FSD1L: variants seen among roughly 807,000 people sequenced by gnomAD.
The protein encoded by FSD1L is fibronectin type III and SPRY domain containing 1 like, also known as FSD1-like protein.
In FSD1L, 45 loss-of-function variants were observed where a neutral mutation model predicts 71.6. The observed-to-expected ratio is 0.63, with a 90% CI of 0.49 to 0.81. The LOEUF (loss-of-function observed/expected upper bound fraction) is 0.81, where lower values mean the gene tolerates loss of function less well. Among genes scored for constraint, FSD1L ranks in the 30% least tolerant of loss-of-function variants. The probability of loss-of-function intolerance (pLI) is 0.00; values close to 1 mark genes in which losing one functional copy is unlikely to be tolerated. For synonymous variants in FSD1L, 197 were observed against 207.2 expected (o/e 0.95, Z 0.42); for missense variants, 561 against 618.1 (o/e 0.91, Z 0.98).
chr9:105,445,987 A>G (rs893558446), upstream of FSD1L, among the ~76,000 whole-genome samples: 2 of 152,092 alleles, frequency 1.3e-5, no homozygotes, highest in Non-Finnish European at 2.9e-5. Context: ...TCCCTTTTGT[A>G]ACTTTCATTT....
At chr9:105,468,774 C>T (rs1401145500) in intron 4 of FSD1L, among the ~76,000 whole-genome samples, 2 of 152,112 alleles carry the variant, frequency 1.3e-5, no homozygotes, top group East Asian at 1.9e-4. Flanking sequence ...GGATTACAGG[C>T]GTAAGGCACC....
intron 1 of FSD1L, among the ~76,000 whole-genome samples, chr9:105,450,382 A>T (rs1016814486): frequency 6.6e-6 from 1 of 152,228 alleles, no homozygotes; most frequent in Non-Finnish European, 1.5e-5. Flanking sequence ...GCTTTACATT[A>T]GTAAGAGGAT....
intron 3 of FSD1L, among the ~76,000 whole-genome samples, chr9:105,466,859 C>G (rs1243717764): frequency 2.0e-5 from 3 of 152,006 alleles, no homozygotes; most frequent in Admixed American, 6.6e-5. Flanking sequence ...TTATGTAGAG[C>G]TAGCTCAAAC....
intron 12 of FSD1L, among the ~76,000 whole-genome samples, chr9:105,537,017 CTTAATAGAT>C (rs1836313091): frequency 6.6e-6 from 1 of 152,026 alleles, no homozygotes; most frequent in Non-Finnish European, 1.5e-5. Flanking sequence ...TTAGTTTCAT[CTTAATAGAT>C]TTGGCCCAAA....
intron 10 of FSD1L, among the ~76,000 whole-genome samples, chr9:105,529,293 T>C (rs1451537193): frequency 6.6e-6 from 1 of 152,246 alleles, no homozygotes; most frequent in Non-Finnish European, 1.5e-5. Flanking sequence ...AAAGGATTTA[T>C]AAATCCTTCT....
At chr9:105,546,269 G>A in intron 13 of FSD1L, 89 bp from the exon 14 acceptor site, 1 of 1,181,998 alleles carries the variant, frequency 8.5e-7, no homozygotes, top group Non-Finnish European at 1.2e-6. Flanking sequence ...GTTCATATGT[G>A]TGGCATTTTG....
intron 7 of FSD1L, among the ~76,000 whole-genome samples, chr9:105,498,919 AGAAG>A (rs1833598863): frequency 6.6e-6 from 1 of 152,178 alleles, no homozygotes; most frequent in African/African-American, 2.4e-5. Context: ...CGCCCATGCT[AGAAG>A]TGGGTTGTTT....
At chr9:105,545,682 C>T (rs1222260088) in intron 13 of FSD1L, among the ~76,000 whole-genome samples, 1 of 152,052 alleles carries the variant, frequency 6.6e-6, no homozygotes, top group African/African-American at 2.4e-5. Context: ...TTGAGATAAT[C>T]ATGTGGTTTT....
chr9:105,535,850 CAT>C (rs1236046918), intron 12 of FSD1L, among the ~76,000 whole-genome samples: 1 of 152,112 alleles, frequency 6.6e-6, no homozygotes, highest in Admixed American at 6.6e-5. Flanking sequence ...TCCTAGTAAA[CAT>C]AAGCTATACA....
intron 6 of FSD1L, 85 bp downstream of exon 6, chr9:105,479,461 GT>G: frequency 8.1e-7 from 1 of 1,232,262 alleles, no homozygotes; most frequent in Non-Finnish European, 1.1e-6. Context: ...TTAAAATTGT[GT>G]TAGTTAAGAT....
At chr9:105,461,956 CA>C (rs112746151) in intron 2 of FSD1L, among the ~76,000 whole-genome samples, 18,859 of 118,442 alleles carry the variant, frequency 0.16, 1,286 homozygotes, top group Admixed American at 0.27. Context: ...GACAGAGCCT[CA>C]AAAAAAAAAA....
In FSD1L at chr9:105,548,435, A is replaced by G. The variant is rs1837128277; in HGVS notation, c.*1952A>G. The G allele has an allele frequency of 6.6e-6, 1 of 152,556 alleles. No homozygotes were observed. Among genetic ancestry groups the G allele is most frequent in the Non-Finnish European group, 1.5e-5 (1 of 67,992 alleles). The allele number at this position is 152,556 out of a possible 1,614,324, so 9.5% of individuals were successfully genotyped here. ...AAAATTTTTTACTAGTGTGTCTTATATAATTCTTTCTTCTCATTAATTCAG... is the reference window on the plus strand; with the variant it reads ...AAAATTTTTTACTAGTGTGTCTTATGTAATTCTTTCTTCTCATTAATTCAG... On this transcript the variant is annotated 3_prime_UTR_variant, in exon 14 of 14. Transcript: ENST00000481272.
Position 105,534,988 on chromosome 9 carries a change from T to C in FSD1L, c.1127-79T>C, listed in dbSNP as rs1836174570. 90 of 1,432,128 alleles carry C rather than the reference T, an allele frequency of 6.3e-5. 1 individual carries two copies. The South Asian group carries it at 1.1e-3, about 17-fold the overall frequency. 88.7% of individuals were successfully genotyped at this position (1,432,128 alleles called of 1,614,324 possible). On this transcript the variant is annotated intron_variant, in intron 11 of 13. Coordinates refer to ENST00000481272, the MANE Select transcript of FSD1L (RefSeq NM_001145313.3). ...CTTGAATAAAAATTTTTGTGTCTTT[T>C]TTTGGGACGAGTGGTAGGTAAAACT...
chr9:105,449,655 AAC>A (rs1207281034), intron 1 of FSD1L, among the ~76,000 whole-genome samples: 1 of 152,254 alleles, frequency 6.6e-6, no homozygotes, highest in Non-Finnish European at 1.5e-5. Context: ...TTGTTCTGAA[AAC>A]ACAGCATTTT....
At chr9:105,545,685 G>C (rs537457508) in intron 13 of FSD1L, among the ~76,000 whole-genome samples, 1 of 152,196 alleles carries the variant, frequency 6.6e-6, no homozygotes, top group Non-Finnish European at 1.5e-5. Flanking sequence ...AGATAATCAT[G>C]TGGTTTTTGT....
chr9:105,530,503 G>C, intron 10 of FSD1L: 1 of 658,768 alleles, frequency 1.5e-6, no homozygotes, highest in African/African-American at 1.8e-5. Flanking sequence ...TTTACTACTG[G>C]TAAGTTACAA....
chr9:105,479,423 G>T, intron 6 of FSD1L, 47 bp downstream of exon 6: 1 of 1,429,956 alleles, frequency 7.0e-7, no homozygotes. Flanking sequence ...ATTGAAGTCA[G>T]AAATGAAATT....
rs1438793513 is a variant in FSD1L at position 105,547,050 on chromosome 9, T to C, written c.*567T>C. On this transcript the variant is annotated 3_prime_UTR_variant, in exon 14 of 14. Transcript: ENST00000481272. ...TTTCCTCTTTTGTTTATTGACTAGA[T>C]TGTATATAATTTTCTTTTTTCCAAA... The C allele has an allele frequency of 6.6e-6, 1 of 152,120 alleles. No individual in the cohort carries two copies. Among genetic ancestry groups the C allele is most frequent in the African/African-American group, 2.4e-5 (1 of 41,440 alleles). The allele number at this position is 152,120 out of a possible 1,614,324, so 9.4% of individuals were successfully genotyped here.
chr9:105,505,884 A>C (rs1007705304), intron 7 of FSD1L, among the ~76,000 whole-genome samples: 1 of 152,262 alleles, frequency 6.6e-6, no homozygotes, highest in Admixed American at 6.5e-5. Flanking sequence ...AATGTTAAAA[A>C]GCTATGAAAT....
Sources: allele counts gnomAD v4.1 joint callset (sites outside exome capture counted in the v4.1 genomes callset), GRCh38; gene constraint gnomAD v4.1.1; transcripts MANE v1.5; gene names NCBI Gene and HGNC (gene_info 2026-07-23, HGNC 2026-07-21).